Variants in PAFAH2 observed in about 807,000 individuals in gnomAD.
PAFAH2 encodes the protein platelet-activating factor acetylhydrolase 2, cytoplasmic.
Under a neutral mutation model 49.0 loss-of-function variants are expected in PAFAH2, and 42 were observed. The observed-to-expected ratio is 0.86, with a 90% CI of 0.67 to 1.11. The LOEUF (loss-of-function observed/expected upper bound fraction) is 1.11. Among genes scored for constraint, PAFAH2 ranks in the 50% least tolerant of loss-of-function variants. The pLI, the probability that PAFAH2 is intolerant of heterozygous loss-of-function variation, is 0.00. For missense variants in PAFAH2, 503 were observed against 501.8 expected (o/e 1.00, Z -0.02); for synonymous variants, 184 against 181.3 (o/e 1.01, Z -0.12).
chr1:25,981,199 T>G (rs1451717015), intron 7 of PAFAH2, among the ~76,000 whole-genome samples: 1 of 134,154 alleles, frequency 7.5e-6, no homozygotes, highest in Non-Finnish European at 1.6e-5. Flanking sequence ...ACAGCTTGTA[T>G]TAAATGATAA....
chr1:25,963,716 C>T (rs140783598), intron 10 of PAFAH2, among the ~76,000 whole-genome samples: 35 of 152,262 alleles, frequency 2.3e-4, no homozygotes, highest in East Asian at 1.5e-3. Context: ...TCGGCCAGGA[C>T]GGTCTCGATC....
chr1:25,977,736 A>G (rs2049618044), intron 7 of PAFAH2, among the ~76,000 whole-genome samples: 1 of 151,812 alleles, frequency 6.6e-6, no homozygotes, highest in African/African-American at 2.4e-5. Context: ...GTTTATGAGC[A>G]TGTTAAGAAT....
At chr1:25,996,528 G>C (rs955290106) in intron 1 of PAFAH2, among the ~76,000 whole-genome samples, 23 of 152,148 alleles carry the variant, frequency 1.5e-4, no homozygotes, top group African/African-American at 5.6e-4. Flanking sequence ...TGTAGTCCCA[G>C]CTACTTGGGA....
At chr1:25,973,154 C>G (rs2049535975) in intron 9 of PAFAH2, among the ~76,000 whole-genome samples, 1 of 152,142 alleles carries the variant, frequency 6.6e-6, no homozygotes, top group Admixed American at 6.5e-5. Context: ...AACTGTACCA[C>G]AGAGTGAAGA....
chr1:25,968,497 G>A (rs1011254213), intron 10 of PAFAH2, among the ~76,000 whole-genome samples: 5 of 152,118 alleles, frequency 3.3e-5, no homozygotes, highest in African/African-American at 2.4e-5. Flanking sequence ...GGAGAGGAGA[G>A]TAGGTGGAGA....
At chr1:25,963,792 T>C (rs1456774920) in intron 10 of PAFAH2, among the ~76,000 whole-genome samples, 2 of 152,204 alleles carry the variant, frequency 1.3e-5, no homozygotes, top group East Asian at 1.9e-4. Context: ...TGAGCCACGG[T>C]GCCTGGCCAG....
At chr1:25,972,472 T>G (rs1167282001) in intron 10 of PAFAH2, 86 bp downstream of exon 10, 6 of 1,429,090 alleles carry the variant, frequency 4.2e-6, no homozygotes, top group Non-Finnish European at 5.7e-6. Flanking sequence ...CCTTCCCAGA[T>G]CCCAGACATG....
intron 10 of PAFAH2, among the ~76,000 whole-genome samples, chr1:25,972,237 A>G (rs868791396): frequency 6.6e-6 from 1 of 151,028 alleles, no homozygotes; most frequent in South Asian, 2.1e-4. Context: ...CTGGGACTAT[A>G]GGTGTGTGCC....
intron 8 of PAFAH2, among the ~76,000 whole-genome samples, chr1:25,976,270 C>T (rs769628689): frequency 6.6e-6 from 1 of 152,088 alleles, no homozygotes; most frequent in Non-Finnish European, 1.5e-5. Flanking sequence ...TTCAAAGTAG[C>T]CGGGACTACA....
At position 25,995,707 on chromosome 1, in the gene PAFAH2, ATAAT is replaced by A. The variant is rs1363570814; in HGVS notation, c.-48+2314_-48+2317del. Among the ~76,000 whole-genome samples, 28 of 152,336 alleles carry A rather than the reference ATAAT, an allele frequency of 1.8e-4. No homozygotes were observed. The East Asian group carries it at 5.4e-3, about 29-fold the overall frequency. On this transcript the variant is annotated intron_variant, in intron 1 of 10. Transcript: ENST00000374282. ...AGTGCCCTGCATATAGCTGGTCTCA[ATAAT>A]TAATTTATCCAATGAATACTATTTA...
chr1:25,968,194 T>G (rs1219570329), intron 10 of PAFAH2, among the ~76,000 whole-genome samples: 1 of 150,582 alleles, frequency 6.6e-6, no homozygotes, highest in East Asian at 1.9e-4. Flanking sequence ...ATAAATAAAA[T>G]AAAGAGGGAA....
In PAFAH2 at chr1:25,982,344, C is replaced by T. The variant is rs927589585; in HGVS notation, c.666+20G>A. ...AAACCCTGAATACTGGGCTCTAGGTCATACCAATTGCTTCCATACCTTCAA... is the reference window on the plus strand; with the variant it reads ...AAACCCTGAATACTGGGCTCTAGGTTATACCAATTGCTTCCATACCTTCAA... On this transcript the variant is annotated intron_variant, in intron 7 of 10. Transcript: ENST00000374282. 6.4e-7 allele frequency: 1 copy of T among 1,553,076 alleles called. No homozygotes were observed. Among genetic ancestry groups the T allele is most frequent in the African/African-American group, 1.4e-5 (1 of 73,670 alleles).
chr1:25,970,079 G>A (rs919280594), intron 10 of PAFAH2, among the ~76,000 whole-genome samples: 1 of 152,226 alleles, frequency 6.6e-6, no homozygotes, highest in African/African-American at 2.4e-5. Flanking sequence ...TAAGACAGAT[G>A]TGTTTTAAAT....
chr1:25,996,114 G>T (rs1014893841), intron 1 of PAFAH2, among the ~76,000 whole-genome samples: 1 of 152,032 alleles, frequency 6.6e-6, no homozygotes, highest in African/African-American at 2.4e-5. Context: ...CCAGAACTTT[G>T]GGAGATCAAA....
chr1:25,988,697 G>T (rs540354398), intron 3 of PAFAH2, among the ~76,000 whole-genome samples: 10 of 150,634 alleles, frequency 6.6e-5, no homozygotes, highest in African/African-American at 2.4e-4. Context: ...CAGCTACTCA[G>T]GAGGCTGAGG....
chr1:25,976,257 G>A (rs2049587230), intron 8 of PAFAH2, among the ~76,000 whole-genome samples: 2 of 152,104 alleles, frequency 1.3e-5, no homozygotes, highest in Admixed American at 1.3e-4. Context: ...TCCTGCCTCA[G>A]GCTTCAAAGT....
At chr1:25,987,018 T>C (rs1569570643) in intron 4 of PAFAH2, among the ~76,000 whole-genome samples, 1 of 150,246 alleles carries the variant, frequency 6.7e-6, no homozygotes, top group Non-Finnish European at 1.5e-5. Flanking sequence ...CTGAGGCAGG[T>C]GGATTGCCTG....
In PAFAH2 at chr1:25,988,475, C is replaced by T. The variant is rs896012982; in HGVS notation, c.245-148G>A. ...TGAGCAGCTCAGGGCAGTTAATCAC[C>T]TATTTCTTCTCCCTTTCTTCCCTAG... On this transcript the variant is annotated intron_variant, in intron 3 of 10. Transcript: ENST00000374282. 8 of 601,074 alleles carry T rather than the reference C, an allele frequency of 1.3e-5. No homozygotes were observed. The African/African-American group carries it at 1.6e-4, about 12-fold the overall frequency. The allele number at this position is 601,074 out of a possible 1,614,324, so 37.2% of individuals were successfully genotyped here.
chr1:25,988,405 G>T, intron 3 of PAFAH2, 78 bp from the exon 4 acceptor site: 2 of 992,952 alleles, frequency 2.0e-6, no homozygotes, highest in South Asian at 1.4e-5. Flanking sequence ...ATAGGTATGG[G>T]TGGGGACATG....
Sources: allele counts gnomAD v4.1 joint callset (sites outside exome capture counted in the v4.1 genomes callset), GRCh38; gene constraint gnomAD v4.1.1; transcripts MANE v1.5; gene names NCBI Gene and HGNC (gene_info 2026-07-23, HGNC 2026-07-21).